The following ANK2 variants were observed in gnomAD, a reference collection of about 807,000 sequenced individuals.
The protein encoded by ANK2 is ankyrin-2.
ANK2 carries 83 observed loss-of-function variants against 360.5 expected under a neutral mutation model. The observed-to-expected ratio is 0.23, with a 90% confidence interval of 0.19 to 0.28. The LOEUF is 0.28. Ranked by LOEUF, ANK2 falls within the 10% of genes least tolerant of loss-of-function variation. ANK2 has a pLI of 1.00. For missense variants in ANK2, 4,201 were observed against 4,795.7 expected, an observed-to-expected ratio of 0.88 and a Z score of 3.66; for synonymous variants, 1,740 against 1,759.5, an observed-to-expected ratio of 0.99 and a Z score of 0.28.
At chr4:112,947,793 T>G (rs1465887039) in intron 2 of ANK2, among the ~76,000 whole-genome samples, 5 of 152,254 alleles carry the variant, frequency 3.3e-5, no homozygotes, top group Non-Finnish European at 7.3e-5. Context: ...GTTAAACATC[T>G]AGACCTAAGC....
intron 1 of ANK2, among the ~76,000 whole-genome samples, chr4:112,890,037 G>A (rs1245573724): frequency 6.6e-6 from 1 of 152,204 alleles, no homozygotes; most frequent in Non-Finnish European, 1.5e-5. Context: ...TATGAGGAGA[G>A]ACTACTTAAA....
Position 113,356,368 on chromosome 4 carries a change from C to G in ANK2, c.7750C>G (p.Pro2584Ala). The G allele has an allele frequency of 6.2e-7, 1 of 1,614,056 alleles. No individual in the cohort carries two copies. Among genetic ancestry groups the G allele is most frequent in the South Asian group, 1.1e-5 (1 of 91,080 alleles). Residue 2584 changes from proline to alanine, a missense_variant, in exon 38 of 46, where the codon CCT becomes GCT. By Grantham distance (27) the Pro-to-Ala change is conservative. This residue lies in a region of ANK2 where 2,642 missense variants were observed against 2,714.5 expected (regional missense o/e 0.97). Transcript: ENST00000357077. The part of the protein sequence containing the change: ...SENGEKKRFT[P>A]EEEMFKMVTK... Reference sequence around the variant, plus strand: ...AAACGGGGAGAAAAAGAGGTTCACACCTGAAGAGGAGATGTTTAAAATGGT... The same window carrying G: ...AAACGGGGAGAAAAAGAGGTTCACAGCTGAAGAGGAGATGTTTAAAATGGT...
intron 43 of ANK2, 144 bp downstream of exon 43, chr4:113,369,949 T>A: frequency 1.0e-6 from 1 of 969,578 alleles, no homozygotes; most frequent in Non-Finnish European, 1.5e-6. Context: ...AAACCCTCAA[T>A]CCCTTTTAAA....
intron 2 of ANK2, among the ~76,000 whole-genome samples, chr4:112,972,836 G>T (rs1176309262): frequency 6.6e-6 from 1 of 152,092 alleles, no homozygotes; most frequent in Non-Finnish European, 1.5e-5. Flanking sequence ...ATACTACTCA[G>T]CCATAAAAAT....
At chr4:112,729,577 T>G in the ANK2 span, among the ~76,000 whole-genome samples, 1 of 151,562 alleles carries the variant, frequency 6.6e-6, no homozygotes. Context: ...CAAAACCCTG[T>G]CTCTACTAAA....
At chr4:113,210,984 G>A (rs1001084444) in intron 4 of ANK2, among the ~76,000 whole-genome samples, 1 of 152,086 alleles carries the variant, frequency 6.6e-6, no homozygotes, top group African/African-American at 2.4e-5. Flanking sequence ...AAAGAATATT[G>A]CACTCAAATA....
chr4:113,008,976 A>G (rs193016925), intron 2 of ANK2, among the ~76,000 whole-genome samples: 29 of 152,338 alleles, frequency 1.9e-4, no homozygotes, highest in African/African-American at 6.0e-4. Context: ...GTGGGGCCTC[A>G]GAGAAAGAAT....
rs538680471 is a variant in ANK2, at chr4:113,138,001, C to A, written c.85-36415C>A. On this transcript the variant is annotated intron_variant, in intron 1 of 45. Transcript: ENST00000357077. ...ATTGCTTATAAAGTGATTTTGTTTT[C>A]CAAACAAAAGTAGGGCAAGATTGAA... 8.9e-4 allele frequency among the ~76,000 whole-genome samples: 136 copies of A among 152,114 alleles called. 4 individuals are homozygous for A. The South Asian group carries it at 0.027, about 31-fold the overall frequency.
chr4:113,027,260 A>G (rs1273873906), intron 2 of ANK2, among the ~76,000 whole-genome samples: 1 of 152,124 alleles, frequency 6.6e-6, no homozygotes, highest in Non-Finnish European at 1.5e-5. Flanking sequence ...TTATTTGTGT[A>G]TATTCAGAAG....
intron 1 of ANK2, among the ~76,000 whole-genome samples, chr4:113,101,079 G>A (rs2092751777): frequency 6.6e-6 from 1 of 152,034 alleles, no homozygotes; most frequent in Non-Finnish European, 1.5e-5. Flanking sequence ...ATGACACAAT[G>A]TACTTGTCCA....
chr4:112,770,220 C>T, the ANK2 span, among the ~76,000 whole-genome samples: 1 of 152,164 alleles, frequency 6.6e-6, no homozygotes, highest in Non-Finnish European at 1.5e-5. Context: ...CCCTGCAGAT[C>T]CTCATCAGTT....
chr4:113,024,398 T>C (rs1011042827), intron 2 of ANK2, among the ~76,000 whole-genome samples: 1 of 152,198 alleles, frequency 6.6e-6, no homozygotes, highest in Non-Finnish European at 1.5e-5. Flanking sequence ...TCTAGTTACT[T>C]AATTTGTCAA....
At chr4:113,080,524 T>C (rs1385146489) in intron 1 of ANK2, among the ~76,000 whole-genome samples, 1 of 152,186 alleles carries the variant, frequency 6.6e-6, no homozygotes, top group African/African-American at 2.4e-5. Flanking sequence ...CTTAAATTGA[T>C]TGATGGGAAA....
the ANK2 span, among the ~76,000 whole-genome samples, chr4:112,747,313 T>C: frequency 6.6e-6 from 1 of 152,186 alleles, no homozygotes; most frequent in Non-Finnish European, 1.5e-5. Context: ...CAAAAGGAAA[T>C]GATCATTAGA....
chr4:113,316,407 A>C (rs1469115892), intron 24 of ANK2, among the ~76,000 whole-genome samples: 3 of 152,224 alleles, frequency 2.0e-5, no homozygotes, highest in Non-Finnish European at 2.9e-5. Flanking sequence ...TGATTTCCTC[A>C]AAGACAATTG....
At chr4:112,975,572 C>T (rs764502124) in intron 2 of ANK2, among the ~76,000 whole-genome samples, 5 of 152,106 alleles carry the variant, frequency 3.3e-5, no homozygotes, top group South Asian at 2.1e-4. Flanking sequence ...GGCTGGCTGA[C>T]GGTTTTATCC....
At chr4:112,787,901 G>A in the ANK2 span, among the ~76,000 whole-genome samples, 1 of 152,102 alleles carries the variant, frequency 6.6e-6, no homozygotes, top group Non-Finnish European at 1.5e-5. Context: ...AAGGGGTTAG[G>A]CAAAGCCTGT....
At chr4:113,291,773 T>C (rs29343) in intron 20 of ANK2, among the ~76,000 whole-genome samples, 5,481 of 152,298 alleles carry the variant, frequency 0.036, 106 homozygotes, top group Non-Finnish European at 0.038. Context: ...TTGGCTGTCA[T>C]AGTCTTCTGC....
chr4:113,079,897 A>AATTTTTTTTT (rs1561912679), intron 1 of ANK2, among the ~76,000 whole-genome samples: 1 of 144,426 alleles, frequency 6.9e-6, no homozygotes, highest in African/African-American at 2.6e-5. Context: ...CACCCTGAGA[A>AATTTTTTTTT]TTTTTTTTTT....
Sources: gnomAD v4.1 joint callset for allele counts (sites outside exome capture counted in the v4.1 genomes callset) on GRCh38, gnomAD v4.1.1 for gene constraint, gnomAD v4.1.1 regional missense constraint, MANE v1.5 for transcripts, NCBI Gene and HGNC (gene_info 2026-07-23, HGNC 2026-07-21) for gene names.